The following RHPN2 variants were observed in gnomAD, a reference collection of about 807,000 sequenced individuals.
RHPN2 encodes rhophilin Rho GTPase binding protein 2, also known as rhophilin-2.
A neutral mutation model predicts 79.0 loss-of-function variants in RHPN2; 40 were observed. The ratio of observed to expected loss-of-function variants is 0.51; its 90% CI spans 0.39 to 0.66. The LOEUF (loss-of-function observed/expected upper bound fraction) is 0.66, where lower values mean the gene tolerates loss of function less well. Among genes scored for constraint, RHPN2 ranks in the 30% least tolerant of loss-of-function variants. RHPN2 has a pLI of 0.00. For synonymous variants in RHPN2, 285 were observed against 363.5 expected, an observed-to-expected ratio of 0.78 and a Z score of 2.46; for missense variants, 686 against 883.5, an observed-to-expected ratio of 0.78 and a Z score of 2.83.
chr19:33,024,230 G>A (rs1306079676), intron 3 of RHPN2, among the ~76,000 whole-genome samples: 2 of 152,050 alleles, frequency 1.3e-5, no homozygotes, highest in African/African-American at 2.4e-5. Flanking sequence ...TCAGGAGTTC[G>A]AGACCAGCCT....
Position 32,999,591 on chromosome 19 carries a change from T to G in RHPN2, c.1220A>C (p.Gln407Pro). Reference protein sequence around the residue: ...ATLKNDQQRRQLGKSHLRRAM... With the variant: ...ATLKNDQQRRPLGKSHLRRAM... ...GGGTGCAGGGGGACACGCACCCAGC[T>G]GTCGGCGCTGCTGATCATTCTTCAG... Residue 407 changes from glutamine (Q) to proline (P), a missense_variant, in exon 10 of 15, where the codon CAG becomes CCG. Coordinates refer to ENST00000254260, the MANE Select transcript of RHPN2 (RefSeq NM_033103.5). 1 of 1,611,600 alleles carries G rather than the reference T, an allele frequency of 6.2e-7. No homozygotes were observed. Among genetic ancestry groups the G allele is most frequent in the South Asian group, 1.1e-5 (1 of 91,008 alleles).
In RHPN2 at chr19:33,002,278, G is replaced by A; in HGVS notation, c.1074C>T (p.Tyr358=). The A allele has an allele frequency of 6.2e-7, 1 of 1,613,606 alleles. No individual in the cohort carries two copies. Among genetic ancestry groups the A allele is most frequent in the South Asian group, 1.1e-5 (1 of 91,060 alleles). Residue 358 remains tyrosine (Y), a synonymous_variant, in exon 9 of 15, where the codon TAC becomes TAT. Coordinates refer to ENST00000254260, the MANE Select transcript of RHPN2 (RefSeq NM_033103.5). ...GGTCGATGAGGAGGATGGCAGTGAAGTAGTGGGCCAGGGCCGCGTAGTGGT... is the reference window on the plus strand; with the variant it reads ...GGTCGATGAGGAGGATGGCAGTGAAATAGTGGGCCAGGGCCGCGTAGTGGT... ...KAHHYAALAH[Y]FTAILLIDHQ... is the part of the protein sequence containing the mutation.
At position 32,979,755 on chromosome 19, in the gene RHPN2, C is replaced by G. The variant is rs1971558070; in HGVS notation, c.*241G>C. 13 of 526,186 alleles carry G rather than the reference C, an allele frequency of 2.5e-5. No homozygotes were observed. The South Asian group carries it at 3.0e-4, about 12-fold the overall frequency. The allele number at this position is 526,186 out of a possible 1,614,324, so 32.6% of individuals were successfully genotyped here. A position where few individuals can be genotyped will look rare whatever the true frequency, so the allele number is the denominator to read the frequency against. The stretch of plus-strand genomic sequence containing the variant: ...CTTCAACACTATTCTATTTACAATA[C>G]TTTATATAATAAATAACTTACAGCA... On this transcript the variant is annotated 3_prime_UTR_variant, in exon 15 of 15. Transcript: ENST00000254260.
At chr19:32,994,721 G>A (rs1033579022) in intron 11 of RHPN2, among the ~76,000 whole-genome samples, 2 of 152,066 alleles carry the variant, frequency 1.3e-5, no homozygotes, top group Non-Finnish European at 2.9e-5. Context: ...CAGCACTTTG[G>A]GAGGCCACGG....
intron 2 of RHPN2, among the ~76,000 whole-genome samples, chr19:33,037,852 GAC>G (rs1972070895): frequency 6.9e-6 from 1 of 145,062 alleles, no homozygotes; most frequent in East Asian, 2.0e-4. Context: ...ACCAATTCCG[GAC>G]ACACTAGGAT....
rs774310628 is a variant in RHPN2 at position 33,011,773 on chromosome 19, C to T, written c.499G>A (p.Gly167Arg). 1 of 1,613,984 alleles carries T rather than the reference C, an allele frequency of 6.2e-7. No individual in the cohort carries two copies. The highest frequency in any genetic ancestry group is 1.7e-5 in the Admixed American group (1 of 60,006). ...AAGTATGTCATCAGCAGTTCCACCC[C>T]GGCCTCATCCCGGCTAGGCGTCCGA... is the stretch of plus-strand genomic sequence containing the variant. ...ACRTPSRDEA[G>R]VELLMTYFIQ... The change falls in exon 6 of 15, where the codon GGG becomes AGG. Residue 167 changes from glycine to arginine, a missense_variant. Physicochemically the swap from Gly to Arg is moderately radical, Grantham distance 125. Coordinates refer to ENST00000254260, the MANE Select transcript of RHPN2 (RefSeq NM_033103.5).
chr19:33,012,965 T>C (rs1383218244), intron 4 of RHPN2, among the ~76,000 whole-genome samples: 1 of 152,056 alleles, frequency 6.6e-6, no homozygotes, highest in Non-Finnish European at 1.5e-5. Context: ...AACCTCTGCC[T>C]CCCGGGTTCA....
intron 4 of RHPN2, among the ~76,000 whole-genome samples, chr19:33,016,239 TATC>T (rs1351469461): frequency 6.6e-6 from 1 of 152,040 alleles, no homozygotes; most frequent in Non-Finnish European, 1.5e-5. Context: ...TGAGACAAGT[TATC>T]ATTCTGTTTT....
At chr19:33,052,441 C>T (rs541572033) in intron 1 of RHPN2, among the ~76,000 whole-genome samples, 5 of 152,310 alleles carry the variant, frequency 3.3e-5, no homozygotes, top group South Asian at 2.1e-4. Flanking sequence ...GACCTTCCCA[C>T]GGGATACAGG....
chr19:33,021,611 A>G lies in RHPN2; in HGVS notation c.350T>C (p.Leu117Pro), dbSNP rs1971924395. The part of the protein sequence containing the change: ...AFTIPLIPLG[L>P]KETKDVDFAV... ...AAAGTCGACGTCTTTCGTTTCCTTC[A>G]GGCCAAGAGGAATCAGGGGAATCGT... Residue 117 changes from leucine to proline, a missense_variant, in exon 4 of 15, where the codon CTG becomes CCG. Physicochemically the swap from Leu to Pro is moderately conservative, Grantham distance 98 (BLOSUM62 -3). Transcript: ENST00000254260. 12 of 1,613,940 alleles carry G rather than the reference A, an allele frequency of 7.4e-6. No individual in the cohort carries two copies. The highest frequency in any genetic ancestry group is 1.0e-5 in the Non-Finnish European group (12 of 1,179,864).
chr19:33,014,635 A>G (rs1358513887), intron 4 of RHPN2, among the ~76,000 whole-genome samples: 1 of 151,210 alleles, frequency 6.6e-6, no homozygotes, highest in Non-Finnish European at 1.5e-5. Context: ...AAACTTGGCC[A>G]TGGGCTGGGT....
At chr19:33,001,020 C>T (rs114680664) in intron 9 of RHPN2, among the ~76,000 whole-genome samples, 1,751 of 152,228 alleles carry the variant, frequency 0.012, 37 homozygotes, top group African/African-American at 0.041. Context: ...TTGAGCTTTG[C>T]GTACAGGCCC....
intron 5 of RHPN2, among the ~76,000 whole-genome samples, chr19:33,012,135 A>G (rs1160422351): frequency 6.7e-6 from 1 of 148,230 alleles, no homozygotes; most frequent in East Asian, 2.0e-4. Context: ...TCCACCTACC[A>G]GGTTCAAGTG....
At chr19:33,054,197 G>GTTTTT (rs34820019) in intron 1 of RHPN2, among the ~76,000 whole-genome samples, 1 of 112,212 alleles carries the variant, frequency 8.9e-6, no homozygotes, top group Non-Finnish European at 1.8e-5. Context: ...TTTCTTCTTT[G>GTTTTT]TTTTTTTTTT....
chr19:33,056,437 C>CATG (rs1430989698), intron 1 of RHPN2, among the ~76,000 whole-genome samples: 4 of 152,066 alleles, frequency 2.6e-5, no homozygotes, highest in Non-Finnish European at 4.4e-5. Context: ...TTCATGGCCA[C>CATG]AACAGATTTT....
intron 7 of RHPN2, 83 bp from the exon 8 acceptor site, chr19:33,003,083 G>C: frequency 7.8e-7 from 1 of 1,274,060 alleles, no homozygotes. Context: ...AGGAGGCCGA[G>C]TGCGGTGGCT....
chr19:33,060,780 C>T (rs1395116947), intron 1 of RHPN2, among the ~76,000 whole-genome samples: 1 of 152,164 alleles, frequency 6.6e-6, no homozygotes, highest in African/African-American at 2.4e-5. Context: ...AATCCTCCCA[C>T]CTTGGCCTCC....
intron 2 of RHPN2, among the ~76,000 whole-genome samples, chr19:33,030,331 A>T (rs1306977550): frequency 1.3e-5 from 2 of 152,092 alleles, no homozygotes; most frequent in African/African-American, 2.4e-5. Context: ...AGTGGCTCAC[A>T]TCTGTAATCC....
At chr19:33,022,807 A>G (rs1027664359) in intron 3 of RHPN2, among the ~76,000 whole-genome samples, 1 of 152,174 alleles carries the variant, frequency 6.6e-6, no homozygotes, top group East Asian at 1.9e-4. Context: ...TGCAGCTGTA[A>G]GCTGAACCTG....
Sources: allele counts gnomAD v4.1 joint callset (sites outside exome capture counted in the v4.1 genomes callset), GRCh38; gene constraint gnomAD v4.1.1; transcripts MANE v1.5; gene names NCBI Gene and HGNC (gene_info 2026-07-23, HGNC 2026-07-21).